Variants in DNAH9 observed in about 807,000 individuals in gnomAD.
The protein encoded by DNAH9 is DNAH9 variant protein.
Under a neutral mutation model 471.6 loss-of-function variants are expected in DNAH9, and 345 were observed. That is an observed-to-expected ratio of 0.73 (90% confidence interval 0.67 to 0.80). DNAH9 has a LOEUF of 0.80. Among genes scored for constraint, DNAH9 ranks in the 30% least tolerant of loss-of-function variants. The pLI is 0.00. For missense variants in DNAH9, 5,407 were observed against 5,609.2 expected (o/e 0.96, Z 1.15); for synonymous variants, 2,093 against 2,123.6 (o/e 0.99, Z 0.40).
At chr17:11,671,026 C>T (rs1215520721) in intron 17 of DNAH9, among the ~76,000 whole-genome samples, 1 of 152,114 alleles carries the variant, frequency 6.6e-6, no homozygotes, top group Non-Finnish European at 1.5e-5. Context: ...ATAGGGCTTC[C>T]TGTGTATTCT....
At chr17:11,610,660 A>C in intron 3 of DNAH9, 106 bp downstream of exon 3, 2 of 1,087,518 alleles carry the variant, frequency 1.8e-6, no homozygotes, top group Admixed American at 2.6e-5. Flanking sequence ...TCTTCCCTAT[A>C]GGTATTTCAC....
intron 2 of DNAH9, among the ~76,000 whole-genome samples, chr17:11,609,696 G>A (rs542427162): frequency 6.6e-6 from 1 of 152,156 alleles, no homozygotes; most frequent in African/African-American, 2.4e-5. Context: ...TGACCAAAAT[G>A]TATTAAAAAA....
At chr17:11,775,636 G>T (rs1419186328) in intron 38 of DNAH9, among the ~76,000 whole-genome samples, 4 of 101,378 alleles carry the variant, frequency 3.9e-5, no homozygotes, top group Non-Finnish European at 5.3e-5. Context: ...ACAGAGTCTT[G>T]CTCTGTCCCC....
chr17:11,628,839 G>C (rs189162002), intron 6 of DNAH9, among the ~76,000 whole-genome samples: 1 of 152,242 alleles, frequency 6.6e-6, no homozygotes, highest in Admixed American at 6.5e-5. Context: ...AAGACATAGA[G>C]AGGTGGAAGC....
At chr17:11,696,431 GT>G (rs2074478082) in intron 22 of DNAH9, among the ~76,000 whole-genome samples, 1 of 152,108 alleles carries the variant, frequency 6.6e-6, no homozygotes, top group Admixed American at 6.6e-5. Flanking sequence ...CTTGGACTTT[GT>G]ATTGTTGGCC....
rs763962085 is a variant in DNAH9 at position 11,902,755 on chromosome 17, C to T, written c.11443C>T (p.Arg3815Trp). 4.3e-6 allele frequency: 7 copies of T among 1,613,268 alleles called. No homozygotes were observed. Among genetic ancestry groups the T allele is most frequent in the Admixed American group, 1.7e-5 (1 of 59,740 alleles). Residue 3815 changes from arginine to tryptophan, a missense_variant, in exon 60 of 69, where the codon CGG becomes TGG. Physicochemically the swap from Arg to Trp is moderately radical, Grantham distance 101. Transcript: ENST00000262442. ...SSMEEFSNLD[R>W]DIEGSAKSWK... ...AATGGAAGAATTCTCTAATCTGGAT[C>T]GGGACATAGAGGGATCTGCTAAGAG... is the stretch of plus-strand genomic sequence containing the variant.
intron 43 of DNAH9, among the ~76,000 whole-genome samples, chr17:11,805,659 A>G (rs1250471891): frequency 6.8e-6 from 1 of 147,314 alleles, no homozygotes; most frequent in East Asian, 2.0e-4. Flanking sequence ...TGATCAAGAG[A>G]TACTCCTGCC....
At chr17:11,838,527 G>A (rs908788514) in intron 49 of DNAH9, among the ~76,000 whole-genome samples, 2 of 152,164 alleles carry the variant, frequency 1.3e-5, no homozygotes, top group African/African-American at 2.4e-5. Flanking sequence ...AGATGGAGAA[G>A]GTGGTAGAAA....
Position 11,752,947 on chromosome 17 carries a change from T to C in DNAH9, c.6725T>C (p.Met2242Thr), listed in dbSNP as rs779077158. 2 of 1,593,668 alleles carry C rather than the reference T, an allele frequency of 1.3e-6. No individual in the cohort carries two copies. Among genetic ancestry groups the C allele is most frequent in the East Asian group, 2.3e-5 (1 of 44,202 alleles). ...PMWIESLNTV[M>T]DDNKVLTLAS... Reference sequence around the variant, plus strand: ...TGGATTGAATCCCTGAATACTGTCATGGATGATAACAAGGTATGAAATTGG... The same window carrying C: ...TGGATTGAATCCCTGAATACTGTCACGGATGATAACAAGGTATGAAATTGG... Residue 2242 changes from methionine (M) to threonine (T), a missense_variant, in exon 33 of 69, where the codon ATG becomes ACG. By Grantham distance (81) the Met-to-Thr change is moderately conservative. This residue lies in a region of DNAH9 where 4,636 missense variants were observed against 4,900.3 expected (regional missense o/e 0.95). Transcript: ENST00000262442.
chr17:11,800,212 T>C (rs1350589926), intron 43 of DNAH9, among the ~76,000 whole-genome samples: 2 of 152,034 alleles, frequency 1.3e-5, no homozygotes, highest in African/African-American at 2.4e-5. Context: ...AGCCTATGTG[T>C]ATCCCTGCAT....
At chr17:11,939,268 T>G (rs1974818337) in intron 66 of DNAH9, among the ~76,000 whole-genome samples, 1 of 152,166 alleles carries the variant, frequency 6.6e-6, no homozygotes, top group African/African-American at 2.4e-5. Context: ...CCAGAATGAA[T>G]AATGTTCCTA....
At chr17:11,680,580 T>G in intron 18 of DNAH9, 143 bp from the exon 19 acceptor site, 1 of 656,002 alleles carries the variant, frequency 1.5e-6, no homozygotes, top group Non-Finnish European at 2.6e-6. Flanking sequence ...GAGGGCAGAT[T>G]GTAGGGAATG....
intron 44 of DNAH9, among the ~76,000 whole-genome samples, chr17:11,809,910 C>T (rs1969828577): frequency 1.3e-5 from 2 of 152,074 alleles, no homozygotes; most frequent in African/African-American, 4.8e-5. Flanking sequence ...AAAGCTGTAA[C>T]CTCTTTGCAC....
At chr17:11,902,638 T>C (rs1023781389) in intron 59 of DNAH9, 81 bp from the exon 60 acceptor site, 1 of 1,260,176 alleles carries the variant, frequency 7.9e-7, no homozygotes, top group Non-Finnish European at 1.1e-6. Context: ...GATAAGACCA[T>C]CTGGCCCCTC....
chr17:11,861,185 C>T (rs1431813334), intron 50 of DNAH9, among the ~76,000 whole-genome samples: 2 of 151,736 alleles, frequency 1.3e-5, no homozygotes, highest in African/African-American at 4.9e-5. Flanking sequence ...CCTCCCCCAA[C>T]CCCACAACAG....
intron 10 of DNAH9, 127 bp from the exon 11 acceptor site, chr17:11,644,500 CTCTT>C: frequency 1.6e-6 from 1 of 642,704 alleles, no homozygotes; most frequent in South Asian, 2.1e-5. Flanking sequence ...AGAAGAAAGG[CTCTT>C]TCAGGGCTGT....
intron 28 of DNAH9, among the ~76,000 whole-genome samples, chr17:11,728,767 A>G (rs1334238413): frequency 1.3e-5 from 2 of 152,182 alleles, no homozygotes; most frequent in African/African-American, 2.4e-5. Flanking sequence ...TTCATACATC[A>G]TCTTTCACAT....
At chr17:11,783,237 C>A (rs1158694735) in intron 39 of DNAH9, among the ~76,000 whole-genome samples, 2 of 152,128 alleles carry the variant, frequency 1.3e-5, no homozygotes, top group Non-Finnish European at 2.9e-5. Flanking sequence ...GCATTACTGG[C>A]CCAACCAGAG....
chr17:11,872,646 C>G (rs546686595), intron 52 of DNAH9, among the ~76,000 whole-genome samples: 15 of 152,276 alleles, frequency 9.9e-5, no homozygotes, highest in African/African-American at 3.1e-4. Flanking sequence ...GTGGGCCGGG[C>G]GCGGTGGCTC....
Sources: gnomAD v4.1 joint callset for allele counts (sites outside exome capture counted in the v4.1 genomes callset) on GRCh38, gnomAD v4.1.1 for gene constraint, gnomAD v4.1.1 regional missense constraint, MANE v1.5 for transcripts, NCBI Gene and HGNC (gene_info 2026-07-23, HGNC 2026-07-21) for gene names.